Variants in RNF38 observed in about 807,000 individuals in gnomAD.
The protein encoded by RNF38 is E3 ubiquitin-protein ligase RNF38.
Under a neutral mutation model 67.2 loss-of-function variants are expected in RNF38, and 15 were observed. The observed-to-expected ratio is 0.22, with a 90% CI of 0.15 to 0.34. The LOEUF is 0.34. Ranked by LOEUF, RNF38 falls within the 10% of genes least tolerant of loss-of-function variation. RNF38 has a pLI of 1.00. For synonymous variants in RNF38, 220 were observed against 218.8 expected (o/e 1.01, Z -0.05); for missense variants, 524 against 639.9 (o/e 0.82, Z 1.95).
At chr9:36,416,507 T>C (rs550414038) in intron 2 of RNF38, among the ~76,000 whole-genome samples, 91 of 152,302 alleles carry the variant, frequency 6.0e-4, no homozygotes, top group South Asian at 5.2e-3. Flanking sequence ...CTGCCTGCCC[T>C]AACTTCTGTG....
chr9:36,444,907 A>T (rs1839267583), intron 1 of RNF38, among the ~76,000 whole-genome samples: 1 of 147,208 alleles, frequency 6.8e-6, no homozygotes, highest in Admixed American at 7.2e-5. Context: ...CTGCAGCTTT[A>T]AGAGCCATTC....
chr9:36,465,425 CAA>C (rs1466123299), intron 1 of RNF38, among the ~76,000 whole-genome samples: 1 of 152,150 alleles, frequency 6.6e-6, no homozygotes, highest in Non-Finnish European at 1.5e-5. Flanking sequence ...CGGCTCACTG[CAA>C]CTTCCACTAC....
At position 36,339,578 on chromosome 9, in the gene RNF38, T is replaced by G. The variant is rs910940946; in HGVS notation, c.*174A>C. 1 of 575,446 alleles carries G rather than the reference T, an allele frequency of 1.7e-6. No individual in the cohort carries two copies. Among genetic ancestry groups the G allele is most frequent in the African/African-American group, 1.9e-5 (1 of 53,712 alleles). 35.6% of individuals were successfully genotyped at this position (575,446 alleles called of 1,614,324 possible). On this transcript the variant is annotated 3_prime_UTR_variant, in exon 12 of 12. Coordinates refer to ENST00000259605, the MANE Select transcript of RNF38 (RefSeq NM_022781.5). Reference sequence around the variant, plus strand: ...ACGGTTAGTATAACAATCCCATAACTGTGAAGACTAATTGTAAGCTTTTAT... The same window carrying G: ...ACGGTTAGTATAACAATCCCATAACGGTGAAGACTAATTGTAAGCTTTTAT...
chr9:36,429,340 G>A (rs1405377706), intron 1 of RNF38, among the ~76,000 whole-genome samples: 2 of 152,116 alleles, frequency 1.3e-5, no homozygotes, highest in Non-Finnish European at 2.9e-5. Flanking sequence ...CGTATCTGTG[G>A]GAGCTTGGTC....
In RNF38 at chr9:36,385,448, G is replaced by A. The variant is rs554522874; in HGVS notation, c.162+5019C>T. ...GGCTGGAGTGCAATGGCGCGATCTC[G>A]GCTCACAGTAACCTCCGCCTCCCGG... On this transcript the variant is annotated intron_variant, in intron 2 of 11. Coordinates refer to ENST00000259605, the MANE Select transcript of RNF38 (RefSeq NM_022781.5). Among the ~76,000 whole-genome samples, 44 of 150,220 alleles carry A rather than the reference G, an allele frequency of 2.9e-4. No individual in the cohort carries two copies. The South Asian group carries it at 9.1e-3, about 31-fold the overall frequency.
At chr9:36,340,134 C>T (rs1253744412) in intron 11 of RNF38, among the ~76,000 whole-genome samples, 1 of 152,136 alleles carries the variant, frequency 6.6e-6, no homozygotes, top group East Asian at 1.9e-4. Context: ...TGCCCACCAC[C>T]ATGCCTGGCT....
intron 1 of RNF38, among the ~76,000 whole-genome samples, chr9:36,398,638 T>A (rs1460989357): frequency 3.3e-5 from 5 of 152,222 alleles, no homozygotes; most frequent in Non-Finnish European, 1.5e-5. Flanking sequence ...ATCTGTTCGC[T>A]CTTTCCAGAG....
intron 9 of RNF38, among the ~76,000 whole-genome samples, chr9:36,348,686 G>T (rs190252795): frequency 6.1e-4 from 93 of 152,316 alleles, no homozygotes; most frequent in African/African-American, 2.1e-3. Context: ...GGAAGCTGCA[G>T]AAGAAAAGTT....
intron 1 of RNF38, among the ~76,000 whole-genome samples, chr9:36,432,888 TTTA>T (rs1838965591): frequency 6.6e-6 from 1 of 152,192 alleles, no homozygotes; most frequent in Admixed American, 6.5e-5. Context: ...TTAATTACTA[TTTA>T]TTATAACTAT....
intron 1 of RNF38, among the ~76,000 whole-genome samples, chr9:36,479,042 A>G (rs558100252): frequency 7.2e-5 from 11 of 152,180 alleles, no homozygotes; most frequent in Non-Finnish European, 1.5e-4. Flanking sequence ...TGCAAGTATT[A>G]TAATTTAAAA....
At chr9:36,422,394 G>A (rs1838653317) in intron 2 of RNF38, among the ~76,000 whole-genome samples, 5 of 151,506 alleles carry the variant, frequency 3.3e-5, no homozygotes. Flanking sequence ...TCCAGCCTGA[G>A]CAACGAAGGG....
chr9:36,412,444 G>A (rs1314212359), intron 2 of RNF38, among the ~76,000 whole-genome samples: 1 of 152,220 alleles, frequency 6.6e-6, no homozygotes, highest in African/African-American at 2.4e-5. Context: ...CATGAATCTT[G>A]AAATGACCAT....
At chr9:36,417,510 C>A (rs1001039269) in intron 2 of RNF38, among the ~76,000 whole-genome samples, 2 of 152,062 alleles carry the variant, frequency 1.3e-5, no homozygotes, top group Admixed American at 6.6e-5. Context: ...ACAATACTTC[C>A]ATCACTTTTT....
intron 1 of RNF38, among the ~76,000 whole-genome samples, chr9:36,477,664 A>G (rs970554296): frequency 1.8e-4 from 27 of 151,384 alleles, no homozygotes; most frequent in Non-Finnish European, 7.4e-5. Flanking sequence ...CTACTAAAAA[A>G]TACAAAAAAT....
intron 1 of RNF38, among the ~76,000 whole-genome samples, chr9:36,442,669 C>T (rs1176073979): frequency 6.6e-6 from 1 of 152,144 alleles, no homozygotes; most frequent in Admixed American, 6.5e-5. Flanking sequence ...GTCCCAGCTA[C>T]TCGGGAGGCT....
intron 2 of RNF38, among the ~76,000 whole-genome samples, chr9:36,383,860 G>A (rs950387635): frequency 6.6e-6 from 1 of 151,632 alleles, no homozygotes; most frequent in African/African-American, 2.4e-5. Context: ...GATATGCAGT[G>A]GCTGCTCAGA....
intron 1 of RNF38, among the ~76,000 whole-genome samples, chr9:36,437,555 GAAA>G (rs891584843): frequency 1.2e-4 from 17 of 136,372 alleles, no homozygotes; most frequent in South Asian, 4.7e-4. Context: ...GAGCAAGGTT[GAAA>G]AAAAAAAAAA....
At chr9:36,382,499 T>TA (rs1310386225) in intron 2 of RNF38, among the ~76,000 whole-genome samples, 1 of 152,104 alleles carries the variant, frequency 6.6e-6, no homozygotes, top group Non-Finnish European at 1.5e-5. Context: ...CAGAAGTCAT[T>TA]AAAGGCTAAA....
intron 2 of RNF38, among the ~76,000 whole-genome samples, chr9:36,376,912 G>A (rs886980518): frequency 3.1e-5 from 4 of 128,052 alleles, no homozygotes; most frequent in Non-Finnish European, 6.4e-5. Flanking sequence ...GGCGACAAGA[G>A]TGAGACTCTG....
Sources: gnomAD v4.1 joint callset for allele counts (sites outside exome capture counted in the v4.1 genomes callset) on GRCh38, gnomAD v4.1.1 for gene constraint, MANE v1.5 for transcripts, NCBI Gene and HGNC (gene_info 2026-07-23, HGNC 2026-07-21) for gene names.